ABCF1: variants seen among roughly 807,000 people sequenced by gnomAD.
ABCF1 encodes the protein ATP-binding cassette sub-family F member 1.
A neutral mutation model predicts 126.3 loss-of-function variants in ABCF1; 73 were observed. The observed-to-expected ratio is 0.58, with a 90% CI of 0.48 to 0.70. The LOEUF (loss-of-function observed/expected upper bound fraction) is 0.70. Among genes scored for constraint, ABCF1 ranks in the 30% least tolerant of loss-of-function variants. The pLI is 0.00. For missense variants in ABCF1, 786 were observed against 1,057.5 expected (o/e 0.74, Z 3.56); for synonymous variants, 345 against 396.4 (o/e 0.87, Z 1.54).
At chr6:30,581,012 T>G (rs1467639546) in intron 8 of ABCF1, among the ~76,000 whole-genome samples, 1 of 152,162 alleles carries the variant, frequency 6.6e-6, no homozygotes, top group Non-Finnish European at 1.5e-5. Context: ...TAGTAAATGT[T>G]TTTGGCTTTG....
chr6:30,578,612 CA>C, intron 6 of ABCF1, 35 bp downstream of exon 6: 2 of 1,563,246 alleles, frequency 1.3e-6, no homozygotes, highest in South Asian at 2.2e-5. Flanking sequence ...ACTCTCACTC[CA>C]TTTAGCACCT....
In ABCF1 at chr6:30,584,931, C is replaced by A. The variant is rs1191844025; in HGVS notation, c.1392-329C>A. On this transcript the variant is annotated intron_variant, in intron 14 of 24. Transcript: ENST00000326195. The surrounding 1 kb of genome is among the most constrained non-coding windows in gnomAD (Gnocchi z 4.6). ...TCCTAGCCTGGGCAACATAGGGAGA[C>A]CCTGTCTCTACAAAAAATTTAAAGA... Among the ~76,000 whole-genome samples, 8 of 152,110 alleles carry A rather than the reference C, an allele frequency of 5.3e-5. No individual in the cohort carries two copies. Among genetic ancestry groups the A allele is most frequent in the African/African-American group, 1.9e-4 (8 of 41,418 alleles).
intron 15 of ABCF1, 89 bp from the exon 16 acceptor site, chr6:30,585,469 C>A: frequency 6.3e-7 from 1 of 1,590,688 alleles, no homozygotes; most frequent in Non-Finnish European, 8.6e-7. Flanking sequence ...ACCCCCCTTT[C>A]CCTCCCAGCC....
In ABCF1 at chr6:30,577,435, G is replaced by C; in HGVS notation, c.100G>C (p.Asp34His). Residue 34 changes from aspartate (D) to histidine (H), a missense_variant, in exon 2 of 25, where the codon GAC becomes CAC. This residue lies in a region of ABCF1 where 322 missense variants were observed against 322.9 expected (regional missense o/e 1.00). Transcript: ENST00000326195. ...CAAAGTGGTGAAGAAAGGGAAGAAG[G>C]ACAAGAAGATCAAAAAAACGGTGAG... Reference protein sequence around the residue: ...SDKVVKKGKKDKKIKKTFFEE... With the variant: ...SDKVVKKGKKHKKIKKTFFEE... 6.2e-7 allele frequency: 1 copy of C among 1,613,910 alleles called. No homozygotes were observed. Among genetic ancestry groups the C allele is most frequent in the Non-Finnish European group, 8.5e-7 (1 of 1,179,930 alleles).
chr6:30,577,896 C>T lies in ABCF1; in HGVS notation c.199C>T (p.Gln67Ter). Residue 67 changes from glutamine (Q) to a stop codon, truncating the protein, a stop_gained, in exon 3 of 25, where the codon CAG becomes TAG. Transcript: ENST00000326195. LOFTEE classifies it high-confidence loss of function. Reference protein sequence around the residue: ...KVLKEKEQQQQQQQQQQKKKR... With the variant: ...KVLKEKEQQQ ...GCTCAAGGAGAAGGAGCAGCAGCAG[C>T]AGCAACAGCAACAGCAGGTACAAGT... 6.2e-7 allele frequency: 1 copy of T among 1,613,986 alleles called. No individual in the cohort carries two copies. The highest frequency in any genetic ancestry group is 8.5e-7 in the Non-Finnish European group (1 of 1,180,014).
Position 30,584,587 on chromosome 6 carries a change from C to T in ABCF1, c.1391+21C>T. 2 of 1,572,430 alleles carry T rather than the reference C, an allele frequency of 1.3e-6. No homozygotes were observed. Among genetic ancestry groups the T allele is most frequent in the Non-Finnish European group, 1.7e-6 (2 of 1,160,626 alleles). The stretch of plus-strand genomic sequence containing the variant: ...GCCAGGTGGGCCATTCACCTCACTG[C>T]CCTCCCTTCCAGCCTCAGACCACCG... On this transcript the variant is annotated intron_variant, in intron 14 of 24. Coordinates refer to ENST00000326195, the MANE Select transcript of ABCF1 (RefSeq NM_001025091.2). The surrounding 1 kb of genome is among the most constrained non-coding windows in gnomAD (Gnocchi z 4.6).
chr6:30,580,098 G>A (rs1198589983), intron 7 of ABCF1, 93 bp downstream of exon 7: 18 of 1,309,076 alleles, frequency 1.4e-5, no homozygotes, highest in African/African-American at 1.5e-5. Flanking sequence ...TGTAATCCCA[G>A]CACTTTGGGA....
chr6:30,576,090 A>AAG (rs1313288629), intron 1 of ABCF1, among the ~76,000 whole-genome samples: 1 of 149,280 alleles, frequency 6.7e-6, no homozygotes, highest in African/African-American at 2.5e-5. Context: ...AAAAAAAAAA[A>AAG]AAAAGGAGGG....
At chr6:30,582,347 C>T (rs1424893061) in intron 8 of ABCF1, 47 bp from the exon 9 acceptor site, 9 of 1,277,088 alleles carry the variant, frequency 7.0e-6, no homozygotes, top group African/African-American at 1.5e-5. Flanking sequence ...TGAGCCACCG[C>T]GCCCAGCCAG....
intron 8 of ABCF1, among the ~76,000 whole-genome samples, chr6:30,580,899 T>C (rs1264443): frequency 0.74 from 111,740 of 151,800 alleles, 41,569 homozygotes; most frequent in South Asian, 0.87. Context: ...TGGTCTTGAA[T>C]TTCTGGGCTC....
intron 20 of ABCF1, among the ~76,000 whole-genome samples, chr6:30,587,804 G>A (rs112269591): frequency 0.024 from 3,624 of 150,430 alleles, 123 homozygotes; most frequent in African/African-American, 0.075. Context: ...AGCCGAGGTC[G>A]TGCCACTGCA....
In ABCF1 at chr6:30,584,624, C is replaced by T. The variant is rs1802015557; in HGVS notation, c.1391+58C>T. On this transcript the variant is annotated intron_variant, in intron 14 of 24. Coordinates refer to ENST00000326195, the MANE Select transcript of ABCF1 (RefSeq NM_001025091.2). This position sits in a 1 kb window ranked among gnomAD's most constrained non-coding sequence, Gnocchi z 4.6. ...GCCTCAGACCACCGGGGCCCTTTTC[C>T]TCTTTCCCTTCTCATTCTTCCAAGG... is the stretch of plus-strand genomic sequence containing the variant. 6.6e-7 allele frequency: 1 copy of T among 1,524,282 alleles called. No individual in the cohort carries two copies. The highest frequency in any genetic ancestry group is 1.4e-5 in the African/African-American group (1 of 72,640). The allele number at this position is 1,524,282 out of a possible 1,614,324, so 94.4% of individuals were successfully genotyped here.
At position 30,578,096 on chromosome 6, in the gene ABCF1, C is replaced by G. The variant is rs369619459; in HGVS notation, c.237C>G (p.Thr79=). ...AGCAGCAAAAAAAAAAGCGAGATAC[C>G]CGAAAAGGCAGGCGGAAGAAGGATG... is the stretch of plus-strand genomic sequence containing the variant. The part of the protein sequence containing the change: ...QQQQQKKKRD[T]RKGRRKKDVD... The change falls in exon 4 of 25, where the codon ACC becomes ACG. Residue 79 remains threonine, a synonymous_variant. Transcript: ENST00000326195. 3 of 1,613,854 alleles carry G rather than the reference C, an allele frequency of 1.9e-6. No individual in the cohort carries two copies. The Admixed American group carries it at 5.0e-5, about 27-fold the overall frequency.
At chr6:30,580,085 G>C (rs564759881) in intron 7 of ABCF1, 80 bp downstream of exon 7, 1 of 1,416,568 alleles carries the variant, frequency 7.1e-7, no homozygotes, top group Admixed American at 1.9e-5. Flanking sequence ...GGTGGCTCAC[G>C]CCTGTAATCC....
Position 30,580,514 on chromosome 6 carries a change from G to A in ABCF1, c.673G>A (p.Glu225Lys). 4.6e-6 allele frequency: 7 copies of A among 1,512,498 alleles called. No homozygotes were observed. Among genetic ancestry groups the A allele is most frequent in the Non-Finnish European group, 6.1e-6 (7 of 1,141,380 alleles). The allele number at this position is 1,512,498 out of a possible 1,614,324, so 93.7% of individuals were successfully genotyped here. ...AGGGAAGGAGAAGGCCAAGAAGGCA[G>A]AGCAGGTGTGTATTTGGTGTTGGGG... Reference protein sequence around the residue: ...KQGKEKAKKAEQGSEEEGEGE... With the variant: ...KQGKEKAKKAKQGSEEEGEGE... Residue 225 changes from glutamate (E) to lysine (K), a missense_variant, in exon 8 of 25, where the codon GAG (glutamate) becomes AAG (lysine). By Grantham distance (56) the Glu-to-Lys change is moderately conservative. Transcript: ENST00000326195.
chr6:30,590,069 C>T (rs1369291876), intron 22 of ABCF1, 80 bp from the exon 23 acceptor site: 1 of 1,606,392 alleles, frequency 6.2e-7, no homozygotes, highest in Non-Finnish European at 8.5e-7. Flanking sequence ...AGCCTCAGCT[C>T]ACAAACTGGC....
Position 30,586,558 on chromosome 6 carries a change from C to T in ABCF1, c.1960+10C>T, listed in dbSNP as rs371428138. The T allele has an allele frequency of 2.6e-5, 42 of 1,613,058 alleles. No individual in the cohort carries two copies. The African/African-American group carries it at 4.0e-4, about 15-fold the overall frequency. Reference sequence around the variant, plus strand: ...GACATGGATTCAAGGAGTGAGTTGGCGGGGTTGCCTCAGGGATGTGTAGCA... The same window carrying T: ...GACATGGATTCAAGGAGTGAGTTGGTGGGGTTGCCTCAGGGATGTGTAGCA... On this transcript the variant is annotated intron_variant, in intron 19 of 24. Transcript: ENST00000326195. This position sits in a 1 kb window ranked among gnomAD's most constrained non-coding sequence, Gnocchi z 4.9.
chr6:30,578,283 G>T (rs1240145368), intron 4 of ABCF1, 65 bp from the exon 5 acceptor site: 2 of 1,613,728 alleles, frequency 1.2e-6, no homozygotes, highest in South Asian at 1.1e-5. Context: ...CTTCAAGTTG[G>T]ATTCAATTGG....
chr6:30,582,323 TG>T, intron 8 of ABCF1, 70 bp from the exon 9 acceptor site: 1 of 939,708 alleles, frequency 1.1e-6, no homozygotes, highest in Non-Finnish European at 1.7e-6. Context: ...CCCAAAGTGC[TG>T]GGATTACAGG....
Sources: gnomAD v4.1 joint callset for allele counts (sites outside exome capture counted in the v4.1 genomes callset) on GRCh38, gnomAD v4.1.1 for gene constraint, gnomAD v4.1.1 regional missense constraint, Gnocchi (gnomAD v3.1) non-coding constraint, MANE v1.5 for transcripts, NCBI Gene and HGNC (gene_info 2026-07-23, HGNC 2026-07-21) for gene names.